C10orf67: variants seen among roughly 807,000 people sequenced by gnomAD.
C10orf67 encodes the protein chromosome 10 open reading frame 67.
In C10orf67, 60 loss-of-function variants were observed where a neutral mutation model predicts 35.6. That is an observed-to-expected ratio of 1.68 (90% CI 1.37 to 2.09). C10orf67 has a LOEUF of 2.09. C10orf67 is among the 30% of genes most tolerant of loss of function. The pLI, the probability that C10orf67 is intolerant of heterozygous loss-of-function variation, is 0.00. For synonymous variants in C10orf67, 167 were observed against 115.8 expected (o/e 1.44, Z -2.84); for missense variants, 474 against 330.2 (o/e 1.44, Z -3.38).
At chr10:23,333,948 G>C (rs1333001661) in intron 1 of C10orf67, among the ~76,000 whole-genome samples, 2 of 152,188 alleles carry the variant, frequency 1.3e-5, no homozygotes, top group Admixed American at 1.3e-4. Context: ...CTGGGCAACA[G>C]AAAGAGCACA....
At position 23,233,023 on chromosome 10, in the gene C10orf67, G is replaced by A. The variant is rs542350985; in HGVS notation, c.1434+6706C>T. ...TATAAAAAAATTAGCCAAGTGTGAT[G>A]GTGCACACCTGCAGTCCCAGCTACT... On this transcript the variant is annotated intron_variant, in intron 13 of 15. Coordinates refer to ENST00000636213, the MANE Select transcript of C10orf67 (RefSeq NM_001371909.1). Among the ~76,000 whole-genome samples the A allele has an allele frequency of 3.3e-5, 5 of 152,214 alleles. No individual in the cohort carries two copies. In the South Asian group the frequency reaches 1.0e-3, roughly 32 times the overall value.
At chr10:23,308,532 A>G (rs755362080) in intron 4 of C10orf67, among the ~76,000 whole-genome samples, 3 of 152,002 alleles carry the variant, frequency 2.0e-5, no homozygotes, top group Non-Finnish European at 4.4e-5. Flanking sequence ...ATACTGATAC[A>G]CTCGGCATCC....
chr10:23,264,100 C>T (rs1043685315), intron 10 of C10orf67, among the ~76,000 whole-genome samples: 6 of 152,094 alleles, frequency 3.9e-5, no homozygotes, highest in Admixed American at 3.9e-4. Context: ...ACGTGGTAAA[C>T]GTTATAAAAC....
intron 7 of C10orf67, among the ~76,000 whole-genome samples, chr10:23,286,031 A>T (rs76361723): frequency 7.6e-4 from 116 of 152,194 alleles, no homozygotes; most frequent in African/African-American, 2.7e-3. Context: ...CCTTATAGAG[A>T]GTCAGAAGTA....
intron 13 of C10orf67, among the ~76,000 whole-genome samples, chr10:23,225,130 T>G (rs1841701210): frequency 1.3e-5 from 2 of 152,188 alleles, no homozygotes. Context: ...AAAGGTCGGG[T>G]TACCCACAAA....
intron 4 of C10orf67, among the ~76,000 whole-genome samples, chr10:23,310,616 A>G (rs535254584): frequency 3.0e-4 from 45 of 152,272 alleles, no homozygotes; most frequent in Non-Finnish European, 5.6e-4. Context: ...GGTCCTTGTC[A>G]GCAGGCTTCT....
intron 7 of C10orf67, among the ~76,000 whole-genome samples, chr10:23,284,667 C>G (rs918491037): frequency 3.3e-5 from 5 of 151,902 alleles, no homozygotes; most frequent in Non-Finnish European, 7.4e-5. Flanking sequence ...TCGCAGGCAA[C>G]AAAGCAAGAC....
chr10:23,240,011 C>T (rs2132138052), intron 12 of C10orf67, among the ~76,000 whole-genome samples, 195 bp from the exon 13 acceptor site: 1 of 151,996 alleles, frequency 6.6e-6, no homozygotes, highest in African/African-American at 2.4e-5. Context: ...ATGGTGAAAC[C>T]CCATCTTTAC....
chr10:23,243,595 G>A (rs1371705371), intron 12 of C10orf67, among the ~76,000 whole-genome samples: 1 of 151,870 alleles, frequency 6.6e-6, no homozygotes, highest in African/African-American at 2.4e-5. Flanking sequence ...GCTGAGGCAG[G>A]AGAATTGCTT....
At chr10:23,250,293 T>C (rs1842414500) in intron 12 of C10orf67, among the ~76,000 whole-genome samples, 162 bp downstream of exon 12, 1 of 152,234 alleles carries the variant, frequency 6.6e-6, no homozygotes, top group African/African-American at 2.4e-5. Flanking sequence ...TTCTCAGTGA[T>C]TTTGATTACT....
rs149748501 is a variant in C10orf67 at position 23,247,552 on chromosome 10, A to C, written c.1346+2903T>G. Among the ~76,000 whole-genome samples the C allele has an allele frequency of 1.5e-3, 231 of 152,306 alleles. 2 individuals carry two copies. The highest frequency in any genetic ancestry group is 5.1e-3 in the African/African-American group (213 of 41,550). ...ATCGCCTAATGACACATTTCTCAGA[A>C]TCTATCCCTGTCATCAAGTGACACA... On this transcript the variant is annotated intron_variant, in intron 12 of 15. Coordinates refer to ENST00000636213, the MANE Select transcript of C10orf67 (RefSeq NM_001371909.1).
intron 13 of C10orf67, among the ~76,000 whole-genome samples, chr10:23,224,192 C>T (rs1398332361): frequency 1.3e-5 from 2 of 152,182 alleles, no homozygotes; most frequent in Non-Finnish European, 2.9e-5. Context: ...TCCAGAGGAA[C>T]GATCAGGCAG....
rs769664099 is a variant in C10orf67 at position 23,223,798 on chromosome 10, C to T, written c.1455G>A (p.Val485=). Reference sequence around the variant, plus strand: ...TAGCTGTCATGGTCGTTCTAGACTGCACTAATAAGGGTTTTACTTTCTGAA... The same window carrying T: ...TAGCTGTCATGGTCGTTCTAGACTGTACTAATAAGGGTTTTACTTTCTGAA... ...FNYIKVKPLL[V]QSRTTMTAIS... is the part of the protein sequence containing the mutation. Residue 485 remains valine (V), a synonymous_variant, in exon 14 of 16, where the codon GTG becomes GTA. Transcript: ENST00000636213. The T allele has an allele frequency of 7.0e-6, 5 of 715,234 alleles. No homozygotes were observed. The South Asian group carries it at 7.4e-5, about 11-fold the overall frequency. The allele number at this position is 715,234 out of a possible 1,614,324, so 44.3% of individuals were successfully genotyped here.
chr10:23,262,924 G>C (rs1842789993), intron 10 of C10orf67, among the ~76,000 whole-genome samples: 1 of 152,104 alleles, frequency 6.6e-6, no homozygotes, highest in Admixed American at 6.5e-5. Context: ...CAATGATTTT[G>C]ACATTTTATC....
intron 4 of C10orf67, among the ~76,000 whole-genome samples, chr10:23,309,951 C>T (rs4748854): frequency 0.39 from 59,063 of 152,092 alleles, 14,424 homozygotes; most frequent in East Asian, 0.74. Flanking sequence ...AGGGATTTAC[C>T]TTTGGCTTTT....
chr10:23,209,754 C>T (rs1265943690), intron 15 of C10orf67, among the ~76,000 whole-genome samples: 1 of 152,030 alleles, frequency 6.6e-6, no homozygotes, highest in Non-Finnish European at 1.5e-5. Context: ...AATCCCAGCA[C>T]TTTGGGAGGC....
chr10:23,322,421 G>C lies in C10orf67; in HGVS notation c.444C>G (p.Ile148Met). 1.9e-6 allele frequency: 3 copies of C among 1,609,144 alleles called. No individual in the cohort carries two copies. Among genetic ancestry groups the C allele is most frequent in the Non-Finnish European group, 1.7e-6 (2 of 1,175,878 alleles). The change falls in exon 3 of 16, where the codon ATC becomes ATG. Residue 148 changes from isoleucine to methionine, a missense_variant. By Grantham distance (10) the Ile-to-Met change is conservative. Transcript: ENST00000636213. ...LSLFTILHDRILEIEKHYQQN... is the reference protein window; with the variant it reads ...LSLFTILHDRMLEIEKHYQQN... ...GTTGATAATGCTTTTCAATTTCTAG[G>C]ATCCTGTCATGCAGAATGGTGAAGA...
chr10:23,344,527 C>T (rs1382121692), intron 1 of C10orf67, 42 bp downstream of exon 1: 2 of 1,539,756 alleles, frequency 1.3e-6, no homozygotes. Flanking sequence ...CCCCTGGACC[C>T]TGCTCGCTTC....
chr10:23,236,253 G>GAAAAAAAAAAAAAAAAA (rs368833212), intron 13 of C10orf67, among the ~76,000 whole-genome samples: 1 of 75,802 alleles, frequency 1.3e-5, no homozygotes, highest in African/African-American at 6.0e-5. Flanking sequence ...CCTCTCGGGG[G>GAAAAAAAAAAAAAAAAA]AAAAAAAAAA....
Sources: allele counts gnomAD v4.1 joint callset (sites outside exome capture counted in the v4.1 genomes callset), GRCh38; gene constraint gnomAD v4.1.1; transcripts MANE v1.5; gene names NCBI Gene and HGNC (gene_info 2026-07-23, HGNC 2026-07-21).